The following RXFP1 variants were observed in gnomAD, a reference collection of about 807,000 sequenced individuals.
The protein encoded by RXFP1 is relaxin family peptide receptor 1.
A neutral mutation model predicts 89.8 loss-of-function variants in RXFP1; 73 were observed. The ratio of observed to expected loss-of-function variants is 0.81; its 90% CI spans 0.67 to 0.99. RXFP1 has a LOEUF of 0.99. Ranked by LOEUF, RXFP1 falls within the 50% of genes least tolerant of loss-of-function variation. The probability of loss-of-function intolerance (pLI) is 0.00; values close to 1 mark genes in which losing one functional copy is unlikely to be tolerated. For synonymous variants in RXFP1, 277 were observed against 305.5 expected (o/e 0.91, Z 0.97); for missense variants, 793 against 895.5 (o/e 0.89, Z 1.46).
At chr4:158,563,432 T>G (rs998264335) in intron 1 of RXFP1, among the ~76,000 whole-genome samples, 8 of 151,404 alleles carry the variant, frequency 5.3e-5, no homozygotes, top group Non-Finnish European at 8.8e-5. Context: ...CCTCAAAGAC[T>G]TTAATTCATT....
In RXFP1 at chr4:158,572,770, T is replaced by A; in HGVS notation, c.122T>A (p.Leu41Ter). 1 of 1,614,214 alleles carries A rather than the reference T, an allele frequency of 6.2e-7. No individual in the cohort carries two copies. The highest frequency in any genetic ancestry group is 1.1e-5 in the South Asian group (1 of 91,088). ...YFPCGNITKC[L>*]PQLLHCNGVD... ...CCCTGTGGGAACATCACAAAGTGCT[T>A]GCCTCAGCTCCTGCACTGTAACGGT... The change falls in exon 2 of 18, where the codon TTG (leucine) becomes TAG (stop). Residue 41 changes from leucine to a stop codon, truncating the protein, a stop_gained. Transcript: ENST00000307765. LOFTEE classifies it high-confidence loss of function.
In RXFP1 at chr4:158,626,857, T is replaced by C. The variant is rs769510331; in HGVS notation, c.793T>C (p.Leu265=). Reference sequence around the variant, plus strand: ...CAACCATATCCATAATTTAAGAAATTTGACTTTTATTTCCTGCAGTAATTT... The same window carrying C: ...CAACCATATCCATAATTTAAGAAATCTGACTTTTATTTCCTGCAGTAATTT... ...EGNHIHNLRN[L]TFISCSNLTV... Residue 265 remains leucine, a synonymous_variant, in exon 10 of 18, where the codon TTG becomes CTG. Transcript: ENST00000307765. The C allele has an allele frequency of 9.6e-6, 15 of 1,560,506 alleles. No homozygotes were observed. The African/African-American group carries it at 1.4e-4, about 14-fold the overall frequency.
chr4:158,563,932 T>G (rs1031158415), intron 1 of RXFP1, among the ~76,000 whole-genome samples: 2 of 148,440 alleles, frequency 1.3e-5, no homozygotes, highest in Admixed American at 6.8e-5. Context: ...TAATATATAA[T>G]GTATAACATG....
chr4:158,607,198 C>T (rs1762691271), intron 5 of RXFP1: 1 of 1,173,886 alleles, frequency 8.5e-7, no homozygotes, highest in Non-Finnish European at 1.2e-6. Context: ...ACTCTGGTAC[C>T]CATTTCCTTT....
chr4:158,634,428 C>A (rs59259670), intron 12 of RXFP1, among the ~76,000 whole-genome samples: 1,727 of 152,240 alleles, frequency 0.011, 21 homozygotes, highest in African/African-American at 0.037. Context: ...ATGTTAACTT[C>A]TTTTCAGATA....
At chr4:158,556,945 G>A (rs1381634853) in intron 1 of RXFP1, among the ~76,000 whole-genome samples, 1 of 152,154 alleles carries the variant, frequency 6.6e-6, no homozygotes, top group East Asian at 1.9e-4. Flanking sequence ...GAAGGATGGG[G>A]AGAAGTTGGT....
chr4:158,587,958 T>A (rs1421372267), intron 2 of RXFP1, among the ~76,000 whole-genome samples: 1 of 152,098 alleles, frequency 6.6e-6, no homozygotes, highest in Admixed American at 6.6e-5. Flanking sequence ...TCTCCTTATC[T>A]AAAGATATGA....
intron 14 of RXFP1, among the ~76,000 whole-genome samples, chr4:158,639,944 A>G (rs1020537412): frequency 1.3e-5 from 2 of 152,284 alleles, no homozygotes; most frequent in South Asian, 4.1e-4. Flanking sequence ...GAAGATGGCC[A>G]TCTATGAAAC....
intron 6 of RXFP1, among the ~76,000 whole-genome samples, chr4:158,609,664 A>T (rs1763196505): frequency 6.6e-6 from 1 of 152,126 alleles, no homozygotes; most frequent in Non-Finnish European, 1.5e-5. Flanking sequence ...AGCAAAATGG[A>T]AGAAGACTGC....
At chr4:158,629,048 GT>G (rs1767511158) in intron 11 of RXFP1, among the ~76,000 whole-genome samples, 1 of 150,582 alleles carries the variant, frequency 6.6e-6, no homozygotes, top group South Asian at 2.1e-4. Flanking sequence ...TTTTGTTTTT[GT>G]TTTTTGTTTT....
At chr4:158,580,327 G>C (rs1211680732) in intron 2 of RXFP1, among the ~76,000 whole-genome samples, 2 of 152,116 alleles carry the variant, frequency 1.3e-5, no homozygotes, top group Non-Finnish European at 2.9e-5. Context: ...TGCTCTCTAA[G>C]AACTGACAAG....
intron 10 of RXFP1, among the ~76,000 whole-genome samples, chr4:158,627,639 G>A (rs1767165208): frequency 6.6e-6 from 1 of 151,754 alleles, no homozygotes; most frequent in African/African-American, 2.4e-5. Context: ...CAGGACCCCT[G>A]TATATAGGCG....
At chr4:158,600,601 T>C (rs1433563438) in intron 4 of RXFP1, among the ~76,000 whole-genome samples, 3 of 152,058 alleles carry the variant, frequency 2.0e-5, no homozygotes, top group Non-Finnish European at 4.4e-5. Flanking sequence ...AAATTCTAAC[T>C]GGAAATTCTG....
chr4:158,521,779 G>A (rs1741234240), upstream of RXFP1: 1 of 540,602 alleles, frequency 1.8e-6, no homozygotes, highest in Non-Finnish European at 3.3e-6. Flanking sequence ...GAGATCCTGA[G>A]AATAGAAAGG....
intron 1 of RXFP1, among the ~76,000 whole-genome samples, chr4:158,547,800 C>T (rs1054945312): frequency 1.3e-4 from 20 of 152,184 alleles, no homozygotes; most frequent in African/African-American, 4.6e-4. Context: ...TTTGATCGCA[C>T]TGTGGTCTGA....
chr4:158,567,147 C>T (rs1211205356), intron 1 of RXFP1, among the ~76,000 whole-genome samples: 2 of 152,200 alleles, frequency 1.3e-5, no homozygotes, highest in African/African-American at 2.4e-5. Flanking sequence ...TGGCAGGGCT[C>T]GGGACCTGCA....
chr4:158,636,929 CCTT>C (rs911739870), intron 12 of RXFP1, among the ~76,000 whole-genome samples: 18 of 152,154 alleles, frequency 1.2e-4, no homozygotes, highest in African/African-American at 4.1e-4. Flanking sequence ...CTAGTGACCA[CCTT>C]CTACTCTCTA....
chr4:158,595,574 T>G (rs757280211), intron 3 of RXFP1, among the ~76,000 whole-genome samples: 54 of 152,168 alleles, frequency 3.5e-4, no homozygotes, highest in Admixed American at 9.8e-4. Flanking sequence ...ATATAAAGTT[T>G]TTTCTCTTGC....
rs1201962083 is a variant in RXFP1, at chr4:158,559,541, CT to C, written c.50-13156del. Among the ~76,000 whole-genome samples the C allele has an allele frequency of 9.9e-5, 15 of 152,206 alleles. 1 individual carries two copies. In the East Asian group the frequency reaches 2.3e-3, roughly 24 times the overall value. Reference sequence around the variant, plus strand: ...ATTCCCAATACTGAGCTTTTTTCCCCTATACCAGGAATAGATGTGATTTAAA... The same window carrying C: ...ATTCCCAATACTGAGCTTTTTTCCCCATACCAGGAATAGATGTGATTTAAA... On this transcript the variant is annotated intron_variant, in intron 1 of 17. Transcript: ENST00000307765.
Sources: gnomAD v4.1 joint callset for allele counts (sites outside exome capture counted in the v4.1 genomes callset) on GRCh38, gnomAD v4.1.1 for gene constraint, MANE v1.5 for transcripts, NCBI Gene and HGNC (gene_info 2026-07-23, HGNC 2026-07-21) for gene names.